Variants in RGS6 observed in about 807,000 individuals in gnomAD.
The protein encoded by RGS6 is regulator of G protein signaling 6.
Under a neutral mutation model 78.5 loss-of-function variants are expected in RGS6, and 30 were observed. The ratio of observed to expected loss-of-function variants is 0.38; its 90% CI spans 0.29 to 0.52. RGS6 has a LOEUF of 0.52. RGS6 is among the 20% of genes least tolerant of loss of function. The pLI is 0.85. For synonymous variants in RGS6, 206 were observed against 206.0 expected, an observed-to-expected ratio of 1.00 and a Z score of 0.00; for missense variants, 495 against 609.7, an observed-to-expected ratio of 0.81 and a Z score of 1.98.
At chr14:72,373,102 C>T (rs2083858042) in intron 3 of RGS6, among the ~76,000 whole-genome samples, 2 of 152,104 alleles carry the variant, frequency 1.3e-5, no homozygotes, top group South Asian at 4.2e-4. Context: ...AAGCCGAGCC[C>T]ACCCTTTTCC....
intron 2 of RGS6, among the ~76,000 whole-genome samples, chr14:72,057,521 T>C (rs1271646373): frequency 6.6e-6 from 1 of 152,050 alleles, no homozygotes; most frequent in Non-Finnish European, 1.5e-5. Flanking sequence ...TCTGCTGGCC[T>C]ACATGCAAAG....
intron 17 of RGS6, among the ~76,000 whole-genome samples, chr14:72,554,738 G>C (rs2097547892): frequency 6.6e-6 from 1 of 152,218 alleles, no homozygotes; most frequent in South Asian, 2.1e-4. Flanking sequence ...CGTCAGATGA[G>C]AGGAGGGAGA....
chr14:72,140,369 C>A (rs2096522940), intron 2 of RGS6, among the ~76,000 whole-genome samples: 1 of 152,000 alleles, frequency 6.6e-6, no homozygotes, highest in Admixed American at 6.6e-5. Flanking sequence ...TCACCAAAGC[C>A]CTGGATGTGG....
At chr14:72,153,051 A>T (rs992231336) in intron 2 of RGS6, among the ~76,000 whole-genome samples, 2 of 152,046 alleles carry the variant, frequency 1.3e-5, no homozygotes, top group Non-Finnish European at 2.9e-5. Context: ...CCCCTCCCCC[A>T]GTGTGCAGGC....
At chr14:72,030,963 TAAG>T (rs36021563) in intron 2 of RGS6, among the ~76,000 whole-genome samples, 20,945 of 151,190 alleles carry the variant, frequency 0.14, 1,772 homozygotes, top group South Asian at 0.2. Context: ...AATCTAGAAA[TAAG>T]AACTTTAGCA....
Position 72,001,895 on chromosome 14 carries a change from CTTTTTT to C in RGS6, c.84+37040_84+37045del, listed in dbSNP as rs59274317. On this transcript the variant is annotated intron_variant, in intron 2 of 17. Transcript: ENST00000553525. ...TTGAAGTGTTTAGACATCCATTAAT[CTTTTTT>C]TTTTTTTTTTTTTTTTTTTGAGACA... 1.7e-3 allele frequency among the ~76,000 whole-genome samples: 155 copies of C among 92,530 alleles called. 3 individuals carry two copies. Among genetic ancestry groups the C allele is most frequent in the Middle Eastern group, 8.9e-3 (1 of 112 alleles). The allele number at this position is 92,530 out of a possible 152,430, so 60.7% of individuals were successfully genotyped here. A position where few individuals can be genotyped will look rare whatever the true frequency, so the allele number is the denominator to read the frequency against.
chr14:72,273,176 G>A (rs1055338845), intron 2 of RGS6, among the ~76,000 whole-genome samples: 3 of 152,070 alleles, frequency 2.0e-5, no homozygotes, highest in African/African-American at 7.2e-5. Flanking sequence ...AGATGTACGG[G>A]TTCACATATA....
intron 2 of RGS6, among the ~76,000 whole-genome samples, chr14:72,238,959 A>C (rs2051967238): frequency 6.6e-6 from 1 of 152,198 alleles, no homozygotes; most frequent in African/African-American, 2.4e-5. Flanking sequence ...TTCCATATGG[A>C]TCTGCAGCAA....
At chr14:72,588,494 G>T in the RGS6 span, among the ~76,000 whole-genome samples, 7 of 152,206 alleles carry the variant, frequency 4.6e-5, no homozygotes, top group East Asian at 9.7e-4. Context: ...GAAAGTTGAG[G>T]ATTATAATTC....
At chr14:72,084,928 G>A (rs936454619) in intron 2 of RGS6, among the ~76,000 whole-genome samples, 1 of 152,170 alleles carries the variant, frequency 6.6e-6, no homozygotes, top group Non-Finnish European at 1.5e-5. Flanking sequence ...TGAGGACAAT[G>A]TGTTTGTGCG....
intron 13 of RGS6, among the ~76,000 whole-genome samples, chr14:72,500,078 A>G (rs2096703792): frequency 6.6e-6 from 1 of 152,246 alleles, no homozygotes; most frequent in Non-Finnish European, 1.5e-5. Context: ...TTTGTTCTTG[A>G]AAGTCAGCAA....
intron 2 of RGS6, among the ~76,000 whole-genome samples, chr14:72,231,123 C>T (rs960466204): frequency 3.9e-5 from 6 of 152,060 alleles, no homozygotes; most frequent in African/African-American, 1.2e-4. Flanking sequence ...ACGTTGCTGT[C>T]GAGAGAATGG....
chr14:72,280,134 T>C (rs1035921603), intron 2 of RGS6, among the ~76,000 whole-genome samples: 1 of 152,074 alleles, frequency 6.6e-6, no homozygotes, highest in Non-Finnish European at 1.5e-5. Context: ...GGCCAAACTC[T>C]AAAGGTATTT....
chr14:72,237,829 G>T (rs564224930), intron 2 of RGS6, among the ~76,000 whole-genome samples: 9 of 152,230 alleles, frequency 5.9e-5, no homozygotes, highest in Admixed American at 2.0e-4. Flanking sequence ...AGCATCCAGG[G>T]TTGTCTGCGA....
chr14:72,617,195 G>A, the RGS6 span, among the ~76,000 whole-genome samples: 1 of 152,226 alleles, frequency 6.6e-6, no homozygotes, highest in Non-Finnish European at 1.5e-5. Context: ...CTCTGAAGAG[G>A]ACGTGTGAAG....
At chr14:72,484,433 A>G (rs1399895567) in intron 12 of RGS6, among the ~76,000 whole-genome samples, 2 of 152,018 alleles carry the variant, frequency 1.3e-5, no homozygotes, top group African/African-American at 4.8e-5. Flanking sequence ...CCTGCTCCAT[A>G]TATGTGTCCT....
chr14:72,148,896 G>A (rs2096644282), intron 2 of RGS6, among the ~76,000 whole-genome samples: 1 of 152,232 alleles, frequency 6.6e-6, no homozygotes, highest in Admixed American at 6.5e-5. Flanking sequence ...CAGAAGTAGA[G>A]CATTCCAGTT....
intron 2 of RGS6, among the ~76,000 whole-genome samples, chr14:72,125,656 AG>A (rs1428474416): frequency 1.3e-5 from 2 of 151,918 alleles, no homozygotes; most frequent in Non-Finnish European, 2.9e-5. Context: ...AGGTGATTGG[AG>A]GTGGGGGAAA....
chr14:72,580,359 A>G, the RGS6 span, among the ~76,000 whole-genome samples: 2 of 148,826 alleles, frequency 1.3e-5, no homozygotes, highest in African/African-American at 5.1e-5. Context: ...GAGAGAAGCA[A>G]TCAGCTCCCA....
Sources: gnomAD v4.1 joint callset for allele counts (sites outside exome capture counted in the v4.1 genomes callset) on GRCh38, gnomAD v4.1.1 for gene constraint, MANE v1.5 for transcripts, NCBI Gene and HGNC (gene_info 2026-07-23, HGNC 2026-07-21) for gene names.